Variants in MEGF11 observed in about 807,000 individuals in gnomAD.
MEGF11 encodes multiple epidermal growth factor-like domains protein 11.
A neutral mutation model predicts 146.6 loss-of-function variants in MEGF11; 126 were observed. The observed-to-expected ratio is 0.86, with a 90% CI of 0.74 to 1.00. The LOEUF is 1.00. Ranked by LOEUF, MEGF11 falls within the 50% of genes least tolerant of loss-of-function variation. The pLI is 0.00. For missense variants in MEGF11, 1,509 were observed against 1,521.2 expected (o/e 0.99, Z 0.13); for synonymous variants, 532 against 583.4 (o/e 0.91, Z 1.27).
intron 4 of MEGF11, among the ~76,000 whole-genome samples, chr15:66,100,117 C>T (rs2086727238): frequency 6.6e-6 from 1 of 152,222 alleles, no homozygotes; most frequent in Middle Eastern, 3.2e-3. Context: ...GGTCCCCCTG[C>T]CCCCGTGCAC....
chr15:65,909,635 T>A lies in MEGF11; in HGVS notation c.2896+105A>T, dbSNP rs145897581. 2.4e-4 allele frequency: 281 copies of A among 1,147,318 alleles called. 1 individual carries two copies. In the East Asian group the frequency reaches 7.1e-3, roughly 29 times the overall value. 71.1% of individuals were successfully genotyped at this position (1,147,318 alleles called of 1,614,324 possible). Reference sequence around the variant, plus strand: ...CAAAATTTCTCCCTGGGGGAAACCATGTTCAGAACTCATAACCCTGTCCCT... The same window carrying A: ...CAAAATTTCTCCCTGGGGGAAACCAAGTTCAGAACTCATAACCCTGTCCCT... On this transcript the variant is annotated intron_variant, in intron 22 of 25. Transcript: ENST00000395614.
At chr15:66,190,292 G>T (rs2090834339) in intron 1 of MEGF11, among the ~76,000 whole-genome samples, 1 of 152,150 alleles carries the variant, frequency 6.6e-6, no homozygotes, top group African/African-American at 2.4e-5. Flanking sequence ...GTAGAGGTGG[G>T]GGTCTTGCTA....
intron 1 of MEGF11, among the ~76,000 whole-genome samples, chr15:66,232,310 C>G (rs1328792486): frequency 1.3e-5 from 2 of 152,208 alleles, no homozygotes; most frequent in African/African-American, 4.8e-5. Flanking sequence ...TCTTCTCTCC[C>G]CACTCCCAGT....
At chr15:65,909,944 C>A (rs1044760414) in intron 21 of MEGF11, 138 bp from the exon 22 acceptor site, 5 of 749,786 alleles carry the variant, frequency 6.7e-6, no homozygotes, top group Non-Finnish European at 1.2e-5. Context: ...AGAGAAAGGG[C>A]GAGCTAGGTG....
chr15:66,073,753 G>T (rs2085466144), intron 5 of MEGF11, among the ~76,000 whole-genome samples: 1 of 152,110 alleles, frequency 6.6e-6, no homozygotes, highest in South Asian at 2.1e-4. Context: ...ATTTTCACTG[G>T]TAATATCTTC....
At chr15:65,997,896 C>G (rs111724103) in intron 5 of MEGF11, among the ~76,000 whole-genome samples, 4 of 152,254 alleles carry the variant, frequency 2.6e-5, no homozygotes, top group African/African-American at 9.6e-5. Flanking sequence ...GACCCGGACA[C>G]TGAGAACCGA....
At chr15:66,182,040 G>T (rs2090563100) in intron 1 of MEGF11, among the ~76,000 whole-genome samples, 1 of 152,192 alleles carries the variant, frequency 6.6e-6, no homozygotes, top group Non-Finnish European at 1.5e-5. Flanking sequence ...CCTCTGAAAA[G>T]TCATTGGGCG....
intron 3 of MEGF11, among the ~76,000 whole-genome samples, chr15:66,120,493 C>A (rs186901609): frequency 6.6e-6 from 1 of 152,172 alleles, no homozygotes; most frequent in Non-Finnish European, 1.5e-5. Flanking sequence ...ATCAGAGACG[C>A]CTATAGGCTG....
intron 1 of MEGF11, among the ~76,000 whole-genome samples, chr15:66,130,730 G>GAGGAAGGAAGGAAGGAAGGA (rs137881134): frequency 3.3e-4 from 47 of 141,044 alleles, no homozygotes; most frequent in African/African-American, 9.9e-4. Context: ...AAGAGGGAGG[G>GAGGAAGGAAGGAAGGAAGGA]AGGAAGGAAG....
In MEGF11 at chr15:66,094,312, A is replaced by G. The variant is rs536060240; in HGVS notation, c.394+90T>C. On this transcript the variant is annotated intron_variant, in intron 5 of 25. Transcript: ENST00000395614. ...AGCCCACCCCAAGTCGCCCCAGCAC[A>G]ACACAAAAATGTAGCATGCACACAC... The G allele has an allele frequency of 1.1e-4, 127 of 1,137,844 alleles. No individual in the cohort carries two copies. In the African/African-American group the frequency reaches 1.7e-3, roughly 16 times the overall value. The allele number at this position is 1,137,844 out of a possible 1,614,324, so 70.5% of individuals were successfully genotyped here.
intron 1 of MEGF11, among the ~76,000 whole-genome samples, chr15:66,250,902 CA>C (rs950243030): frequency 5.4e-5 from 7 of 130,100 alleles, no homozygotes; most frequent in South Asian, 5.0e-4. Context: ...GACTCCGTCT[CA>C]AAAAAAAAAG....
intron 5 of MEGF11, among the ~76,000 whole-genome samples, chr15:66,089,462 G>A (rs998964946): frequency 3.9e-5 from 6 of 152,148 alleles, no homozygotes; most frequent in African/African-American, 1.4e-4. Flanking sequence ...CTCTACCCCA[G>A]GCCTTCTGGA....
intron 1 of MEGF11, among the ~76,000 whole-genome samples, chr15:66,225,968 A>G (rs1403610411): frequency 2.0e-5 from 3 of 152,208 alleles, no homozygotes; most frequent in African/African-American, 7.2e-5. Context: ...CCTTATCCAC[A>G]GTTTTGCTTT....
chr15:66,206,771 C>T (rs2086035), intron 1 of MEGF11, among the ~76,000 whole-genome samples: 98,546 of 151,796 alleles, frequency 0.65, 32,558 homozygotes, highest in Non-Finnish European at 0.71. Flanking sequence ...GGCATGGTAG[C>T]GCACGCCTGT....
At chr15:66,001,253 C>G (rs1391559529) in intron 5 of MEGF11, among the ~76,000 whole-genome samples, 1 of 152,170 alleles carries the variant, frequency 6.6e-6, no homozygotes, top group African/African-American at 2.4e-5. Context: ...GAAAGTTTCT[C>G]TGTGTCTATT....
intron 4 of MEGF11, among the ~76,000 whole-genome samples, chr15:66,116,861 CTG>C (rs760150448): frequency 3.9e-5 from 6 of 152,168 alleles, no homozygotes; most frequent in Admixed American, 6.5e-5. Context: ...TGAATGAAAA[CTG>C]AGGTTCAGAG....
chr15:66,162,652 T>C (rs1027799125), intron 1 of MEGF11, among the ~76,000 whole-genome samples: 5 of 152,100 alleles, frequency 3.3e-5, no homozygotes, highest in Non-Finnish European at 7.4e-5. Flanking sequence ...GGAGAGGGCA[T>C]TGATGCCAAA....
At chr15:66,221,061 G>T (rs1411813497) in intron 1 of MEGF11, among the ~76,000 whole-genome samples, 4 of 152,092 alleles carry the variant, frequency 2.6e-5, no homozygotes, top group Non-Finnish European at 5.9e-5. Flanking sequence ...GGGTACCCAA[G>T]AACTCTCTAC....
At chr15:66,114,284 C>A (rs1040826849) in intron 4 of MEGF11, among the ~76,000 whole-genome samples, 4 of 152,180 alleles carry the variant, frequency 2.6e-5, no homozygotes, top group African/African-American at 7.2e-5. Flanking sequence ...TCTGCCACAG[C>A]AACTAGCAAC....
Sources: allele counts gnomAD v4.1 joint callset (sites outside exome capture counted in the v4.1 genomes callset), GRCh38; gene constraint gnomAD v4.1.1; transcripts MANE v1.5; gene names NCBI Gene and HGNC (gene_info 2026-07-23, HGNC 2026-07-21).